Variants in SH3YL1 observed in about 807,000 individuals in gnomAD.
SH3YL1 encodes SH3 domain-containing YSC84-like protein 1.
SH3YL1 carries 41 observed loss-of-function variants against 45.8 expected under a neutral mutation model. The ratio of observed to expected loss-of-function variants is 0.89; its 90% confidence interval spans 0.70 to 1.16. The LOEUF (loss-of-function observed/expected upper bound fraction) is 1.16, where lower values mean the gene tolerates loss of function less well. Ranked by LOEUF, SH3YL1 falls within the 50% of genes most tolerant of loss-of-function variation. SH3YL1 has a pLI of 0.00. For missense variants in SH3YL1, 389 were observed against 409.6 expected, an observed-to-expected ratio of 0.95 and a Z score of 0.43; for synonymous variants, 152 against 151.4, an observed-to-expected ratio of 1.00 and a Z score of -0.03.
chr2:251,010 C>T (rs1339763778), intron 2 of SH3YL1, among the ~76,000 whole-genome samples: 5 of 152,172 alleles, frequency 3.3e-5, no homozygotes, highest in Non-Finnish European at 7.4e-5. Context: ...ATGTCTTCCT[C>T]ACATTCTGTT....
chr2:241,076 A>G (rs1347848482), intron 4 of SH3YL1: 1 of 152,220 alleles, frequency 6.6e-6, no homozygotes, highest in East Asian at 1.9e-4. Flanking sequence ...CAGATGGTCC[A>G]GCTATCAGAT....
chr2:231,725 T>C (rs1668054210), intron 6 of SH3YL1, among the ~76,000 whole-genome samples: 1 of 152,222 alleles, frequency 6.6e-6, no homozygotes, highest in Non-Finnish European at 1.5e-5. Context: ...TGAACTTTAG[T>C]GGGAAGGCCT....
At chr2:250,495 T>C (rs1669028355) in intron 2 of SH3YL1, among the ~76,000 whole-genome samples, 1 of 152,234 alleles carries the variant, frequency 6.6e-6, no homozygotes, top group South Asian at 2.1e-4. Flanking sequence ...AGATGTTCAT[T>C]ACATAAAATG....
chr2:262,225 C>T (rs1448130979), intron 1 of SH3YL1: 1 of 156,510 alleles, frequency 6.4e-6, no homozygotes, highest in Non-Finnish European at 1.4e-5. Context: ...GGTTTAACTA[C>T]TTCCTTTGTT....
intron 8 of SH3YL1, among the ~76,000 whole-genome samples, chr2:228,670 C>T (rs546670338): frequency 1.2e-3 from 181 of 152,292 alleles, no homozygotes; most frequent in African/African-American, 4.0e-3. Flanking sequence ...AATCAATCAT[C>T]TGAACATGAA....
intron 1 of SH3YL1, among the ~76,000 whole-genome samples, chr2:254,799 C>T (rs747814260): frequency 2.0e-5 from 3 of 152,326 alleles, no homozygotes; most frequent in East Asian, 3.9e-4. Flanking sequence ...CCTCTGCTCA[C>T]GTGAGACAAA....
chr2:242,275 T>A (rs1668576923), intron 4 of SH3YL1: 1 of 152,056 alleles, frequency 6.6e-6, no homozygotes, highest in Admixed American at 6.5e-5. Flanking sequence ...AATTATTCTC[T>A]GAGTTTCTCT....
intron 9 of SH3YL1, chr2:223,009 G>C (rs1409015045): frequency 6.6e-6 from 1 of 152,224 alleles, no homozygotes; most frequent in Non-Finnish European, 1.5e-5. Context: ...AAAGTGGACT[G>C]TAAATCTTCC....
intron 1 of SH3YL1, chr2:256,166 C>T (rs1164754597): frequency 6.6e-6 from 1 of 152,212 alleles, no homozygotes; most frequent in Non-Finnish European, 1.5e-5. Flanking sequence ...TTCATATAGT[C>T]ATCAGTGTGT....
At chr2:220,482 G>A (rs950066897) in intron 9 of SH3YL1, among the ~76,000 whole-genome samples, 3 of 152,090 alleles carry the variant, frequency 2.0e-5, no homozygotes, top group African/African-American at 7.2e-5. Context: ...TAAGGAATAA[G>A]GATAAAAGAA....
At chr2:236,407 C>A (rs183107468) in intron 4 of SH3YL1, among the ~76,000 whole-genome samples, 2 of 152,216 alleles carry the variant, frequency 1.3e-5, no homozygotes, top group East Asian at 3.9e-4. Context: ...GGACCTACAC[C>A]TCATGGAACT....
chr2:250,970 G>A (rs1201192237), intron 2 of SH3YL1, among the ~76,000 whole-genome samples: 1 of 152,164 alleles, frequency 6.6e-6, no homozygotes, highest in African/African-American at 2.4e-5. Context: ...ATGTTGTGCA[G>A]ATTTATTTTT....
intron 1 of SH3YL1, chr2:262,867 G>C: frequency 6.9e-6 from 3 of 434,636 alleles, no homozygotes; most frequent in Non-Finnish European, 1.1e-5. Flanking sequence ...AAAGATGAGG[G>C]GTAACATTTA....
At chr2:232,550 G>A (rs138545847) in intron 6 of SH3YL1, among the ~76,000 whole-genome samples, 277 of 151,728 alleles carry the variant, frequency 1.8e-3, no homozygotes, top group African/African-American at 6.3e-3. Flanking sequence ...CCATCAACTC[G>A]TCATCTACAT....
chr2:230,014 T>C lies in SH3YL1; in HGVS notation c.733A>G (p.Arg245Gly). The C allele has an allele frequency of 1.9e-6, 3 of 1,610,244 alleles. No individual in the cohort carries two copies. The highest frequency in any genetic ancestry group is 2.5e-6 in the Non-Finnish European group (3 of 1,177,708). Residue 245 changes from arginine (R) to glycine (G), a missense_variant, in exon 8 of 10, where the codon AGA (arginine) becomes GGA (glycine). Physicochemically the swap from Arg to Gly is moderately radical, Grantham distance 125 (BLOSUM62 -2). Coordinates refer to ENST00000356150, the MANE Select transcript of SH3YL1 (RefSeq NM_015677.4). ...ACTGGTGCAGATGACTGCTGTGGTCTTGACAATGGCTTTGGAGGTAATTCT... is the reference window on the plus strand; with the variant it reads ...ACTGGTGCAGATGACTGCTGTGGTCCTGACAATGGCTTTGGAGGTAATTCT... ...AKELPPKPLS[R>G]PQQSSAPVQL...
At chr2:253,375 C>A (rs1424724271) in intron 1 of SH3YL1, among the ~76,000 whole-genome samples, 1 of 152,154 alleles carries the variant, frequency 6.6e-6, no homozygotes, top group Admixed American at 6.5e-5. Context: ...AAACAGCATG[C>A]AGTAAAGGAG....
chr2:263,670 G>C (rs1159092572), intron 1 of SH3YL1: 2 of 344,826 alleles, frequency 5.8e-6, no homozygotes, highest in African/African-American at 2.1e-5. Context: ...TCTGTGGAAC[G>C]GAAGGATGGT....
intron 8 of SH3YL1, among the ~76,000 whole-genome samples, chr2:228,110 A>G (rs1380869789): frequency 6.6e-6 from 1 of 152,232 alleles, no homozygotes; most frequent in Non-Finnish European, 1.5e-5. Context: ...TGGCCTAGCC[A>G]CAAAGGATGA....
chr2:224,938 AGTG>A lies in SH3YL1; in HGVS notation c.782-21_782-19del. On this transcript the variant is annotated intron_variant, in intron 8 of 9. Transcript: ENST00000356150. ...TCTGTTACCTGCCAAAAAAGAGGAG[AGTG>A]GTGATTTTGAAAACTGATTAGTATA... The A allele has an allele frequency of 1.9e-6, 3 of 1,604,856 alleles. No individual in the cohort carries two copies. The African/African-American group carries it at 4.0e-5, about 21-fold the overall frequency.
Sources: allele counts gnomAD v4.1 joint callset (sites outside exome capture counted in the v4.1 genomes callset), GRCh38; gene constraint gnomAD v4.1.1; transcripts MANE v1.5; gene names NCBI Gene and HGNC (gene_info 2026-07-23, HGNC 2026-07-21).